Variants in ATF1 observed in about 807,000 individuals in gnomAD.
ATF1 encodes activating transcription factor 1, also known as cyclic AMP-dependent transcription factor ATF-1.
In ATF1, 16 loss-of-function variants were observed where a neutral mutation model predicts 34.7. The ratio of observed to expected loss-of-function variants is 0.46; its 90% CI spans 0.31 to 0.70. The LOEUF (loss-of-function observed/expected upper bound fraction) is 0.70. ATF1 is among the 30% of genes least tolerant of loss of function. The pLI, the probability that ATF1 is intolerant of heterozygous loss-of-function variation, is 0.05. For synonymous variants in ATF1, 105 were observed against 113.1 expected (o/e 0.93, Z 0.46); for missense variants, 255 against 321.6 (o/e 0.79, Z 1.58).
intron 2 of ATF1, among the ~76,000 whole-genome samples, chr12:50,784,599 T>C (rs984438473): frequency 8.5e-5 from 13 of 152,264 alleles, no homozygotes; most frequent in Admixed American, 8.5e-4. Flanking sequence ...CATATACCAC[T>C]GTAAAATTTT....
chr12:50,788,325 G>A (rs766596058), intron 2 of ATF1: 2 of 414,628 alleles, frequency 4.8e-6, no homozygotes, highest in Non-Finnish European at 9.5e-6. Context: ...AGGGACCACA[G>A]GTGTGTGCCA....
At chr12:50,784,160 C>CAA (rs753458379) in intron 2 of ATF1, among the ~76,000 whole-genome samples, 1 of 134,470 alleles carries the variant, frequency 7.4e-6, no homozygotes, top group Non-Finnish European at 1.6e-5. Flanking sequence ...GATCCTGTCT[C>CAA]AAAAAAAAAA....
intron 1 of ATF1, among the ~76,000 whole-genome samples, chr12:50,773,041 T>C (rs895864017): frequency 6.6e-6 from 1 of 152,200 alleles, no homozygotes; most frequent in African/African-American, 2.4e-5. Flanking sequence ...GTTCCTTTGT[T>C]AGTTTGCTGA....
At chr12:50,817,461 C>A (rs1941866845) in intron 6 of ATF1, among the ~76,000 whole-genome samples, 1 of 151,950 alleles carries the variant, frequency 6.6e-6, no homozygotes, top group African/African-American at 2.4e-5. Context: ...TAAATGATAG[C>A]AGTTTTAGGG....
At chr12:50,769,366 C>T (rs1007316027) in intron 1 of ATF1, among the ~76,000 whole-genome samples, 1 of 151,996 alleles carries the variant, frequency 6.6e-6, no homozygotes, top group Non-Finnish European at 1.5e-5. Context: ...GTTAGCCGGG[C>T]ATGGTGGCGC....
intron 2 of ATF1, among the ~76,000 whole-genome samples, chr12:50,791,943 C>T (rs1025737569): frequency 6.6e-6 from 1 of 151,978 alleles, no homozygotes; most frequent in African/African-American, 2.4e-5. Context: ...AGATGCTGCC[C>T]GAAGTTGGTG....
intron 3 of ATF1, among the ~76,000 whole-genome samples, chr12:50,805,561 CAAAAAAAA>C: frequency 1.9e-5 from 1 of 53,852 alleles, no homozygotes; most frequent in South Asian, 7.3e-4. Context: ...CTGTCTGTCT[CAAAAAAAA>C]AAAAAAAAAA....
intron 1 of ATF1, among the ~76,000 whole-genome samples, chr12:50,766,962 G>A (rs941629115): frequency 6.6e-6 from 1 of 152,226 alleles, no homozygotes; most frequent in African/African-American, 2.4e-5. Context: ...AGCCTTGCTA[G>A]TTTGATATTG....
Position 50,797,997 on chromosome 12 carries a change from G to A in ATF1, c.194+1988G>A, listed in dbSNP as rs1592190005. On this transcript the variant is annotated intron_variant, in intron 3 of 6. Coordinates refer to ENST00000262053, the MANE Select transcript of ATF1 (RefSeq NM_005171.5). ...GTTCGAAACGAGCCTGGCCAACATG[G>A]AGAAACCCTATCTCTACTAAAAATA... Among the ~76,000 whole-genome samples, 3 of 151,672 alleles carry A rather than the reference G, an allele frequency of 2.0e-5. No individual in the cohort carries two copies. The South Asian group carries it at 6.2e-4, about 31-fold the overall frequency.
chr12:50,765,001 A>G (rs1940596856), intron 1 of ATF1, among the ~76,000 whole-genome samples: 1 of 152,226 alleles, frequency 6.6e-6, no homozygotes, highest in Non-Finnish European at 1.5e-5. Flanking sequence ...TTGTATGTCA[A>G]AAAACGAAGC....
intron 2 of ATF1, among the ~76,000 whole-genome samples, chr12:50,786,585 T>A (rs1485801713): frequency 1.3e-5 from 2 of 151,942 alleles, no homozygotes; most frequent in Non-Finnish European, 2.9e-5. Flanking sequence ...TTTTTTCCTT[T>A]GGAAAAAAAG....
At chr12:50,798,385 T>C (rs1490273460) in intron 3 of ATF1, among the ~76,000 whole-genome samples, 15 of 151,010 alleles carry the variant, frequency 9.9e-5, no homozygotes, top group Non-Finnish European at 1.5e-5. Flanking sequence ...CTCGGCTCAC[T>C]GCAAGCTCCG....
rs1203303423 is a variant in ATF1, at chr12:50,820,435, A to G, written c.*656A>G. ...GTATGGTGATTTTATAACATTTTTT[A>G]TCAGAATGGAAAAAGAACTGTTTAA... On this transcript the variant is annotated 3_prime_UTR_variant, in exon 7 of 7. Transcript: ENST00000262053. 1 of 184,464 alleles carries G rather than the reference A, an allele frequency of 5.4e-6. No individual in the cohort carries two copies. The highest frequency in any genetic ancestry group is 1.2e-5 in the Non-Finnish European group (1 of 86,698). 11.4% of individuals were successfully genotyped at this position (184,464 alleles called of 1,614,324 possible).
intron 6 of ATF1, among the ~76,000 whole-genome samples, chr12:50,818,103 T>C (rs1193617158): frequency 6.6e-6 from 1 of 152,216 alleles, no homozygotes; most frequent in Non-Finnish European, 1.5e-5. Context: ...CTCTTGACTT[T>C]AAGTGAATAT....
intron 1 of ATF1, among the ~76,000 whole-genome samples, chr12:50,777,936 C>CT (rs71086478): frequency 1.5e-3 from 201 of 133,400 alleles, no homozygotes; most frequent in African/African-American, 4.7e-3. Context: ...AATTTACTAT[C>CT]TTTTTTTTTT....
chr12:50,774,751 T>G (rs957576269), intron 1 of ATF1, among the ~76,000 whole-genome samples: 1 of 144,758 alleles, frequency 6.9e-6, no homozygotes, highest in African/African-American at 2.7e-5. Context: ...TTTTTGTTTT[T>G]GTTTTTTTTT....
intron 4 of ATF1, among the ~76,000 whole-genome samples, chr12:50,810,210 C>T (rs1441041044): frequency 6.9e-6 from 1 of 145,612 alleles, no homozygotes; most frequent in Non-Finnish European, 1.5e-5. Context: ...CCTTTCAGAA[C>T]ATTCCTGGCT....
At chr12:50,816,959 A>T (rs1229836252) in intron 6 of ATF1, among the ~76,000 whole-genome samples, 2 of 152,222 alleles carry the variant, frequency 1.3e-5, no homozygotes, top group Non-Finnish European at 2.9e-5. Context: ...TTAATGCTAC[A>T]CATTTAGATA....
chr12:50,766,279 C>T (rs775907065), intron 1 of ATF1, among the ~76,000 whole-genome samples: 21 of 152,134 alleles, frequency 1.4e-4, no homozygotes, highest in Non-Finnish European at 2.5e-4. Flanking sequence ...AAGGCAAGGA[C>T]GCTTAAGCTT....
Sources: gnomAD v4.1 joint callset for allele counts (sites outside exome capture counted in the v4.1 genomes callset) on GRCh38, gnomAD v4.1.1 for gene constraint, MANE v1.5 for transcripts, NCBI Gene and HGNC (gene_info 2026-07-23, HGNC 2026-07-21) for gene names.